Variants in SLCO1C1 observed in about 807,000 individuals in gnomAD.
The protein encoded by SLCO1C1 is OAT-RP-5.
In SLCO1C1, 70 loss-of-function variants were observed where a neutral mutation model predicts 76.4. The ratio of observed to expected loss-of-function variants is 0.92; its 90% CI spans 0.76 to 1.12. The LOEUF is 1.12. Ranked by LOEUF, SLCO1C1 falls within the 50% of genes most tolerant of loss-of-function variation. The pLI, the probability that SLCO1C1 is intolerant of heterozygous loss-of-function variation, is 0.00. For synonymous variants in SLCO1C1, 306 were observed against 286.1 expected, an observed-to-expected ratio of 1.07 and a Z score of -0.70; for missense variants, 912 against 823.8, an observed-to-expected ratio of 1.11 and a Z score of -1.31.
At position 20,709,501 on chromosome 12, in the gene SLCO1C1, AAC is replaced by A. The variant is rs763346404; in HGVS notation, c.405-1883_405-1882del. ...TACTTCAATAGTCTTGAAGCATCAT[AAC>A]AGTCAATGGTTTCTCTGTAATTATT... is the stretch of plus-strand genomic sequence containing the variant. On this transcript the variant is annotated intron_variant, in intron 4 of 14. Transcript: ENST00000266509. Among the ~76,000 whole-genome samples the A allele has an allele frequency of 5.9e-5, 9 of 152,344 alleles. No individual in the cohort carries two copies. The South Asian group carries it at 1.2e-3, about 21-fold the overall frequency.
Position 20,715,282 on chromosome 12 carries a change from A to G in SLCO1C1, c.673A>G (p.Ile225Val), listed in dbSNP as rs1211597271. Residue 225 changes from isoleucine (I) to valine (V), a missense_variant, in exon 6 of 15, where the codon ATT (isoleucine) becomes GTT (valine). Transcript: ENST00000266509. ...FASEDNAAFY[I>V]GCVQTVAIIG... is the part of the protein sequence containing the mutation. ...CAGTGAAGACAATGCAGCTTTCTATATTGGTAATATTGGCATATTGCTTCA... is the reference window on the plus strand; with the variant it reads ...CAGTGAAGACAATGCAGCTTTCTATGTTGGTAATATTGGCATATTGCTTCA... The G allele has an allele frequency of 1.2e-6, 2 of 1,613,512 alleles. No individual in the cohort carries two copies. The highest frequency in any genetic ancestry group is 1.7e-6 in the Non-Finnish European group (2 of 1,179,782).
rs1947300986 is a variant in SLCO1C1, at chr12:20,715,091, CT to C, written c.530-44del. On this transcript the variant is annotated intron_variant, in intron 5 of 14. Transcript: ENST00000266509. ...GTAGAAATGCAGAATAAATACTTAA[CT>C]TTTAAAGTGATCTATTTTCAATCCT... 1.9e-6 allele frequency: 3 copies of C among 1,608,164 alleles called. No individual in the cohort carries two copies. The East Asian group carries it at 6.7e-5, about 36-fold the overall frequency.
intron 9 of SLCO1C1, among the ~76,000 whole-genome samples, chr12:20,727,472 A>G (rs553776564): frequency 6.6e-6 from 1 of 152,182 alleles, no homozygotes; most frequent in East Asian, 1.9e-4. Flanking sequence ...GCATTTCTTC[A>G]TATCTTTGTT....
intron 10 of SLCO1C1, among the ~76,000 whole-genome samples, chr12:20,733,576 G>T (rs1328465306): frequency 6.6e-6 from 1 of 152,170 alleles, no homozygotes; most frequent in Non-Finnish European, 1.5e-5. Flanking sequence ...GCCATTCATG[G>T]AAACAATTGT....
chr12:20,738,583 C>A (rs1948657883), intron 11 of SLCO1C1, among the ~76,000 whole-genome samples: 1 of 152,176 alleles, frequency 6.6e-6, no homozygotes, highest in Admixed American at 6.5e-5. Context: ...ACCTACTCAT[C>A]TGAAACATGT....
At chr12:20,711,240 G>A (rs534542218) in intron 4 of SLCO1C1, 146 bp from the exon 5 acceptor site, 13 of 884,976 alleles carry the variant, frequency 1.5e-5, no homozygotes, top group Non-Finnish European at 2.0e-5. Flanking sequence ...AAAATCTGCT[G>A]TTAAACACTG....
chr12:20,713,219 A>G (rs1375689426), intron 5 of SLCO1C1, among the ~76,000 whole-genome samples: 1 of 151,338 alleles, frequency 6.6e-6, no homozygotes, highest in Non-Finnish European at 1.5e-5. Context: ...AGCTGGGACT[A>G]CAGGCGCCCG....
At chr12:20,742,858 G>C (rs1358553183) in intron 12 of SLCO1C1, among the ~76,000 whole-genome samples, 1 of 151,868 alleles carries the variant, frequency 6.6e-6, no homozygotes, top group African/African-American at 2.4e-5. Context: ...AATTCCCTTA[G>C]CAACAACTTT....
In SLCO1C1 at chr12:20,740,301, G is replaced by C. The variant is rs1431035118; in HGVS notation, c.1666G>C (p.Val556Leu). The stretch of plus-strand genomic sequence containing the variant: ...TCCCCAAATGTTTCTGTATTTCCTT[G>C]TAATTTCAGTCATCACATCCTATAC... ...GCPQMFLYFL[V>L]ISVITSYTLS... The change falls in exon 12 of 15, where the codon GTA becomes CTA. Residue 556 changes from valine to leucine, a missense_variant. Transcript: ENST00000266509. 1 of 1,613,830 alleles carries C rather than the reference G, an allele frequency of 6.2e-7. No individual in the cohort carries two copies. The highest frequency in any genetic ancestry group is 8.5e-7 in the Non-Finnish European group (1 of 1,179,894).
At chr12:20,698,847 A>C (rs1434778582) in intron 1 of SLCO1C1, among the ~76,000 whole-genome samples, 1 of 152,096 alleles carries the variant, frequency 6.6e-6, no homozygotes, top group Non-Finnish European at 1.5e-5. Flanking sequence ...TGATGTGAAC[A>C]GGGAGAAAAT....
chr12:20,715,155 T>A lies in SLCO1C1; in HGVS notation c.546T>A (p.Thr182=). The change falls in exon 6 of 15, where the codon ACT becomes ACA. Residue 182 remains threonine (T), a synonymous_variant. Transcript: ENST00000266509. The stretch of plus-strand genomic sequence containing the variant: ...TCTTTCAAGAATGTGAAGTGGACAC[T>A]AGCTCTTCCATGTGGATTTATGTTT... ...SKISNECEVD[T]SSSMWIYVFL... 1 of 1,614,022 alleles carries A rather than the reference T, an allele frequency of 6.2e-7. No homozygotes were observed. Among genetic ancestry groups the A allele is most frequent in the African/African-American group, 1.3e-5 (1 of 75,060 alleles).
At chr12:20,719,602 G>C (rs1187077364) in intron 7 of SLCO1C1, among the ~76,000 whole-genome samples, 2 of 152,168 alleles carry the variant, frequency 1.3e-5, no homozygotes, top group African/African-American at 4.8e-5. Flanking sequence ...TAAAGTTTTA[G>C]TAGTCTGGAG....
At chr12:20,722,999 G>A in intron 8 of SLCO1C1, 91 bp from the exon 9 acceptor site, 1 of 1,143,090 alleles carries the variant, frequency 8.7e-7, no homozygotes, top group Non-Finnish European at 1.3e-6. Flanking sequence ...GTGACAATGG[G>A]CCCCAGCCCT....
chr12:20,746,227 A>G (rs1379350403), intron 13 of SLCO1C1, among the ~76,000 whole-genome samples: 2 of 152,194 alleles, frequency 1.3e-5, no homozygotes, highest in Non-Finnish European at 2.9e-5. Context: ...CAACCGTAGT[A>G]ACAATAATGG....
intron 6 of SLCO1C1, among the ~76,000 whole-genome samples, chr12:20,716,718 T>C (rs972402442): frequency 2.0e-5 from 3 of 152,088 alleles, no homozygotes; most frequent in Non-Finnish European, 2.9e-5. Flanking sequence ...CACACTTTTT[T>C]TCTAAGGTGG....
chr12:20,706,694 T>C (rs959937274), intron 4 of SLCO1C1, among the ~76,000 whole-genome samples: 2 of 152,166 alleles, frequency 1.3e-5, no homozygotes, highest in African/African-American at 4.8e-5. Context: ...TTATCTTTTT[T>C]ACTTTAGAGC....
chr12:20,722,744 C>G (rs984323037), intron 8 of SLCO1C1, among the ~76,000 whole-genome samples: 8 of 152,192 alleles, frequency 5.3e-5, no homozygotes, highest in African/African-American at 1.9e-4. Flanking sequence ...TCTTTATGTC[C>G]TGCCTGTGGC....
Position 20,737,098 on chromosome 12 carries a change from T to C in SLCO1C1, c.1383-9T>C. Reference sequence around the variant, plus strand: ...AGGTAATATTTTATATTGTTATATTTCTTTTCAGAACCAAACCTGTCTCTT... The same window carrying C: ...AGGTAATATTTTATATTGTTATATTCCTTTTCAGAACCAAACCTGTCTCTT... On this transcript the variant is annotated splice_polypyrimidine_tract_variant and intron_variant, in intron 10 of 14. Transcript: ENST00000266509. 1 of 1,499,890 alleles carries C rather than the reference T, an allele frequency of 6.7e-7. No homozygotes were observed. The highest frequency in any genetic ancestry group is 8.8e-7 in the Non-Finnish European group (1 of 1,131,754). The allele number at this position is 1,499,890 out of a possible 1,614,324, so 92.9% of individuals were successfully genotyped here.
At chr12:20,730,588 T>C (rs1296040768) in intron 9 of SLCO1C1, among the ~76,000 whole-genome samples, 1 of 152,204 alleles carries the variant, frequency 6.6e-6, no homozygotes, top group African/African-American at 2.4e-5. Context: ...TTCCAGATTT[T>C]CATCTCTGCT....
Sources: allele counts gnomAD v4.1 joint callset (sites outside exome capture counted in the v4.1 genomes callset), GRCh38; gene constraint gnomAD v4.1.1; transcripts MANE v1.5; gene names NCBI Gene and HGNC (gene_info 2026-07-23, HGNC 2026-07-21).